The following ADGRL2 variants were observed in gnomAD, a reference collection of about 807,000 sequenced individuals.
The protein encoded by ADGRL2 is calcium-independent alpha-latrotoxin receptor 2.
A neutral mutation model predicts 157.4 loss-of-function variants in ADGRL2; 44 were observed. That is an observed-to-expected ratio of 0.28 (90% confidence interval 0.22 to 0.36). ADGRL2 has a LOEUF of 0.36. ADGRL2 is among the 10% of genes least tolerant of loss of function. ADGRL2 has a pLI of 1.00. For missense variants in ADGRL2, 1,510 were observed against 1,768.9 expected (o/e 0.85, Z 2.63); for synonymous variants, 585 against 624.7 (o/e 0.94, Z 0.95).
chr1:81,910,308 G>A (rs1442177484), intron 3 of ADGRL2, among the ~76,000 whole-genome samples: 1 of 150,902 alleles, frequency 6.6e-6, no homozygotes, highest in Non-Finnish European at 1.5e-5. Flanking sequence ...TGAATATAAA[G>A]TATACGTATG....
chr1:81,780,556 G>A (rs1173954977), intron 2 of ADGRL2, among the ~76,000 whole-genome samples: 1 of 152,074 alleles, frequency 6.6e-6, no homozygotes, highest in Non-Finnish European at 1.5e-5. Context: ...TGCAAGATAG[G>A]GTTCTTTTCC....
At chr1:81,752,032 C>T (rs1285392434) in intron 1 of ADGRL2, among the ~76,000 whole-genome samples, 1 of 152,114 alleles carries the variant, frequency 6.6e-6, no homozygotes, top group Non-Finnish European at 1.5e-5. Flanking sequence ...TTTATGTTCT[C>T]CCCCAAATTC....
chr1:81,907,518 T>G (rs1284941448), intron 3 of ADGRL2, among the ~76,000 whole-genome samples: 2 of 152,160 alleles, frequency 1.3e-5, no homozygotes, highest in African/African-American at 2.4e-5. Context: ...GTAATCTTAG[T>G]TTTTAAGGCT....
chr1:81,775,169 A>G (rs2086528460), intron 2 of ADGRL2, among the ~76,000 whole-genome samples: 1 of 152,180 alleles, frequency 6.6e-6, no homozygotes, highest in Non-Finnish European at 1.5e-5. Flanking sequence ...CCCATATTAT[A>G]AGCTCAATTT....
chr1:81,975,379 C>T (rs1304853770), intron 17 of ADGRL2, among the ~76,000 whole-genome samples: 1 of 152,012 alleles, frequency 6.6e-6, no homozygotes, highest in Non-Finnish European at 1.5e-5. Context: ...TATGTTTAAA[C>T]TTCGTAGTAT....
At chr1:81,776,982 A>T (rs12070840) in intron 2 of ADGRL2, among the ~76,000 whole-genome samples, 20,823 of 152,168 alleles carry the variant, frequency 0.14, 1,670 homozygotes, top group Admixed American at 0.18. Context: ...CTTAATGATG[A>T]TTAAATTATT....
At chr1:81,499,335 A>G (rs2078795160) in intron 2 of ADGRL2, among the ~76,000 whole-genome samples, 1 of 152,284 alleles carries the variant, frequency 6.6e-6, no homozygotes, top group African/African-American at 2.4e-5. Flanking sequence ...CTTAGGCAGC[A>G]TAAATGCTGT....
chr1:81,356,309 C>A (rs560826802), intron 1 of ADGRL2, among the ~76,000 whole-genome samples: 13 of 152,314 alleles, frequency 8.5e-5, no homozygotes, highest in African/African-American at 2.4e-4. Flanking sequence ...TAATTCCTTT[C>A]AGAGAAGATT....
chr1:81,706,562 C>T (rs992616186), intron 1 of ADGRL2, among the ~76,000 whole-genome samples: 5 of 152,086 alleles, frequency 3.3e-5, no homozygotes, highest in Admixed American at 3.3e-4. Flanking sequence ...CTGTGGGCAT[C>T]CTCTGCAGAC....
intron 2 of ADGRL2, among the ~76,000 whole-genome samples, chr1:81,861,959 G>A (rs1435401656): frequency 1.3e-5 from 2 of 151,678 alleles, no homozygotes; most frequent in Non-Finnish European, 2.9e-5. Flanking sequence ...GTGTTATTTT[G>A]TTGTAGAAAA....
chr1:81,523,839 G>A (rs1039050457), intron 2 of ADGRL2, among the ~76,000 whole-genome samples: 7 of 152,162 alleles, frequency 4.6e-5, no homozygotes, highest in East Asian at 1.9e-4. Flanking sequence ...CGAAGTGGGC[G>A]GATCACAAGG....
chr1:81,319,921 T>C (rs1483140132), intron 1 of ADGRL2, among the ~76,000 whole-genome samples: 2 of 152,204 alleles, frequency 1.3e-5, no homozygotes, highest in East Asian at 3.9e-4. Flanking sequence ...ATGAAGTTTG[T>C]TGCATTGATT....
intron 1 of ADGRL2, among the ~76,000 whole-genome samples, chr1:81,311,337 C>CAA (rs1659740954): frequency 6.6e-6 from 1 of 152,058 alleles, no homozygotes; most frequent in African/African-American, 2.4e-5. Flanking sequence ...TAATTGAGAC[C>CAA]TCTTTTCTGT....
chr1:81,541,090 T>TG (rs1175800988), intron 2 of ADGRL2, among the ~76,000 whole-genome samples: 2 of 152,140 alleles, frequency 1.3e-5, no homozygotes, highest in African/African-American at 4.8e-5. Flanking sequence ...AATTTATTTG[T>TG]GGGGGAACAG....
intron 5 of ADGRL2, among the ~76,000 whole-genome samples, chr1:81,942,341 G>T (rs1648346337): frequency 6.6e-6 from 1 of 151,656 alleles, no homozygotes; most frequent in Non-Finnish European, 1.5e-5. Flanking sequence ...GTGTCATCTT[G>T]CCTGGCTTCC....
chr1:81,615,273 C>A (rs527554975), intron 3 of ADGRL2, among the ~76,000 whole-genome samples: 1 of 152,292 alleles, frequency 6.6e-6, no homozygotes, highest in African/African-American at 2.4e-5. Context: ...GTAAACGGAC[C>A]AATCAGCAGG....
chr1:81,828,643 A>G (rs2091696180), intron 1 of ADGRL2, among the ~76,000 whole-genome samples: 1 of 152,122 alleles, frequency 6.6e-6, no homozygotes, highest in African/African-American at 2.4e-5. Flanking sequence ...CTTTATTACT[A>G]CTTTAATGTT....
chr1:81,459,921 G>A (rs540138512), intron 2 of ADGRL2, among the ~76,000 whole-genome samples: 3 of 151,904 alleles, frequency 2.0e-5, no homozygotes, highest in South Asian at 2.1e-4. Context: ...AAGACCCTCC[G>A]TACTGTTTTC....
At chr1:81,989,806 ACTT>A (rs1339517403) in intron 23 of ADGRL2, 1 of 1,502,542 alleles carries the variant, frequency 6.7e-7, no homozygotes, top group African/African-American at 1.4e-5. Context: ...GTTTAACATG[ACTT>A]CTTTGTATCT....
Sources: gnomAD v4.1 joint callset for allele counts (sites outside exome capture counted in the v4.1 genomes callset) on GRCh38, gnomAD v4.1.1 for gene constraint, MANE v1.5 for transcripts, NCBI Gene and HGNC (gene_info 2026-07-23, HGNC 2026-07-21) for gene names.